The following MACROD2 variants were observed in gnomAD, a reference collection of about 807,000 sequenced individuals.
MACROD2 encodes the protein mono-ADP ribosylhydrolase 2, also known as ADP-ribose glycohydrolase MACROD2.
A neutral mutation model predicts 70.4 loss-of-function variants in MACROD2; 36 were observed. The observed-to-expected ratio is 0.51, with a 90% confidence interval of 0.39 to 0.68. The LOEUF (loss-of-function observed/expected upper bound fraction) is 0.68, where lower values mean the gene tolerates loss of function less well. Among genes scored for constraint, MACROD2 ranks in the 30% least tolerant of loss-of-function variants. MACROD2 has a pLI of 0.00. For synonymous variants in MACROD2, 172 were observed against 178.8 expected, an observed-to-expected ratio of 0.96 and a Z score of 0.30; for missense variants, 496 against 538.4, an observed-to-expected ratio of 0.92 and a Z score of 0.78.
intron 4 of MACROD2, among the ~76,000 whole-genome samples, chr20:14,587,904 G>T (rs1981492940): frequency 6.6e-6 from 1 of 151,952 alleles, no homozygotes; most frequent in Non-Finnish European, 1.5e-5. Context: ...TGAATACAGT[G>T]GTGTTATCAA....
chr20:16,035,216 T>TTA (rs575550776), intron 15 of MACROD2, among the ~76,000 whole-genome samples: 18 of 140,048 alleles, frequency 1.3e-4, no homozygotes, highest in Non-Finnish European at 2.2e-4. Context: ...ATATTATATA[T>TTA]TATATATATA....
At chr20:15,580,797 C>T (rs1385454362) in intron 8 of MACROD2, among the ~76,000 whole-genome samples, 1 of 152,102 alleles carries the variant, frequency 6.6e-6, no homozygotes, top group Non-Finnish European at 1.5e-5. Flanking sequence ...TATGGCTCTT[C>T]TTCTTAGGGG....
At chr20:15,604,319 C>T (rs910056183) in intron 8 of MACROD2, among the ~76,000 whole-genome samples, 39 of 152,172 alleles carry the variant, frequency 2.6e-4, no homozygotes, top group African/African-American at 8.4e-4. Context: ...GGCTTTTAAC[C>T]CTGGTTGTGA....
intron 12 of MACROD2, among the ~76,000 whole-genome samples, chr20:15,938,392 C>G (rs2065699145): frequency 1.3e-5 from 2 of 152,198 alleles, no homozygotes; most frequent in Non-Finnish European, 2.9e-5. Flanking sequence ...TTTCATGTCC[C>G]TGTGTCACAC....
intron 5 of MACROD2, among the ~76,000 whole-genome samples, chr20:14,688,634 A>G (rs1568739689): frequency 6.6e-6 from 1 of 152,182 alleles, no homozygotes; most frequent in Non-Finnish European, 1.5e-5. Flanking sequence ...TCTTTTGGGA[A>G]TCTTCTCTAC....
chr20:14,320,644 C>T lies in MACROD2; in HGVS notation c.272-172835C>T, dbSNP rs140123840. Reference sequence around the variant, plus strand: ...CTCCTAAATCAGTGGTCCTTGACCACATCATAATCACCTTTGGAATTTTTT... The same window carrying T: ...CTCCTAAATCAGTGGTCCTTGACCATATCATAATCACCTTTGGAATTTTTT... On this transcript the variant is annotated intron_variant, in intron 3 of 17. Transcript: ENST00000684519. Among the ~76,000 whole-genome samples the T allele has an allele frequency of 6.1e-3, 917 of 150,584 alleles. 9 individuals carry two copies. The highest frequency in any genetic ancestry group is 0.021 in the African/African-American group (867 of 40,918).
chr20:14,528,302 T>C (rs900420328), intron 4 of MACROD2, among the ~76,000 whole-genome samples: 21 of 144,524 alleles, frequency 1.5e-4, no homozygotes, highest in Non-Finnish European at 3.1e-5. Flanking sequence ...TTTTTTTTTT[T>C]AGTAGAGACA....
intron 5 of MACROD2, among the ~76,000 whole-genome samples, chr20:14,700,576 A>G (rs1196305067): frequency 4.6e-5 from 7 of 151,198 alleles, no homozygotes; most frequent in African/African-American, 1.7e-4. Flanking sequence ...GTGCCAGATA[A>G]CTAAAATCTT....
chr20:14,666,274 A>G (rs935267202), intron 4 of MACROD2, among the ~76,000 whole-genome samples: 2 of 152,226 alleles, frequency 1.3e-5, no homozygotes, highest in African/African-American at 2.4e-5. Context: ...GATATTTATG[A>G]TACATAGTTT....
chr20:14,127,293 G>A, intron 3 of MACROD2: 1 of 277,152 alleles, frequency 3.6e-6, no homozygotes, highest in Non-Finnish European at 6.8e-6. Flanking sequence ...TACTGTGAAG[G>A]CCAAGAGAGG....
At chr20:14,429,792 G>T (rs937888153) in intron 3 of MACROD2, among the ~76,000 whole-genome samples, 2 of 152,192 alleles carry the variant, frequency 1.3e-5, no homozygotes, top group African/African-American at 4.8e-5. Context: ...GTGGCTGATG[G>T]GAAAGAATCT....
intron 8 of MACROD2, among the ~76,000 whole-genome samples, chr20:15,573,715 C>A (rs2048406591): frequency 6.6e-6 from 1 of 152,076 alleles, no homozygotes; most frequent in Non-Finnish European, 1.5e-5. Flanking sequence ...TTGTGAGCCT[C>A]CCCCTTCTGA....
At chr20:14,826,066 G>A (rs1313583545) in intron 5 of MACROD2, among the ~76,000 whole-genome samples, 1 of 152,066 alleles carries the variant, frequency 6.6e-6, no homozygotes, top group Non-Finnish European at 1.5e-5. Flanking sequence ...GCATGTGTTT[G>A]GTTTTGCTAG....
intron 5 of MACROD2, among the ~76,000 whole-genome samples, chr20:14,732,937 A>G (rs949607759): frequency 1.2e-4 from 19 of 152,144 alleles, no homozygotes; most frequent in African/African-American, 3.4e-4. Flanking sequence ...TTAATATTCA[A>G]TTACCAAGGT....
intron 3 of MACROD2, among the ~76,000 whole-genome samples, chr20:14,385,630 G>A (rs959261552): frequency 5.3e-5 from 8 of 152,174 alleles, no homozygotes; most frequent in Non-Finnish European, 1.2e-4. Context: ...AGGGCAGTGG[G>A]TGGCCTCTTA....
chr20:15,737,394 A>G (rs1356000740), intron 8 of MACROD2, among the ~76,000 whole-genome samples: 5 of 152,192 alleles, frequency 3.3e-5, no homozygotes, highest in East Asian at 3.8e-4. Context: ...TGTATCTTGT[A>G]TTATTAAACA....
chr20:14,799,577 G>A (rs771662395), intron 5 of MACROD2, among the ~76,000 whole-genome samples: 2 of 152,060 alleles, frequency 1.3e-5, no homozygotes, highest in Admixed American at 6.6e-5. Flanking sequence ...AATAGGCATG[G>A]CATTGCCGCT....
intron 4 of MACROD2, among the ~76,000 whole-genome samples, chr20:14,548,169 T>C (rs1444032731): frequency 6.6e-6 from 1 of 152,192 alleles, no homozygotes; most frequent in Non-Finnish European, 1.5e-5. Flanking sequence ...TCACATTTTG[T>C]ATCTGACTTT....
chr20:14,364,118 C>A (rs1226915428), intron 3 of MACROD2, among the ~76,000 whole-genome samples: 2 of 152,146 alleles, frequency 1.3e-5, no homozygotes, highest in South Asian at 2.1e-4. Flanking sequence ...ATGGTACTCT[C>A]TTACTCCTGT....
Sources: allele counts gnomAD v4.1 joint callset (sites outside exome capture counted in the v4.1 genomes callset), GRCh38; gene constraint gnomAD v4.1.1; transcripts MANE v1.5; gene names NCBI Gene and HGNC (gene_info 2026-07-23, HGNC 2026-07-21).